Variants in NCKAP5 observed in about 807,000 individuals in gnomAD.
NCKAP5 encodes the protein nck-associated protein 5.
NCKAP5 carries 92 observed loss-of-function variants against 167.0 expected under a neutral mutation model. That is an observed-to-expected ratio of 0.55 (90% CI 0.47 to 0.66). The LOEUF is 0.66. NCKAP5 is among the 30% of genes least tolerant of loss of function. The pLI is 0.00. For synonymous variants in NCKAP5, 891 were observed against 877.4 expected (o/e 1.02, Z -0.27); for missense variants, 2,378 against 2,315.0 (o/e 1.03, Z -0.56).
rs549176788 is a variant in NCKAP5 at position 132,774,733 on chromosome 2, A to G, written c.5050-839T>C. On this transcript the variant is annotated intron_variant, in intron 15 of 19. Coordinates refer to ENST00000409261, the MANE Select transcript of NCKAP5 (RefSeq NM_207363.3). The stretch of plus-strand genomic sequence containing the variant: ...AGTAATAGCATCATCAGCAATACCA[A>G]CCACAATAGAAACAGTGAACACTTA... 4.6e-5 allele frequency among the ~76,000 whole-genome samples: 7 copies of G among 152,338 alleles called. No homozygotes were observed. In the South Asian group the frequency reaches 1.5e-3, roughly 32 times the overall value.
chr2:133,283,293 T>C (rs1323320534), intron 4 of NCKAP5, among the ~76,000 whole-genome samples: 1 of 152,196 alleles, frequency 6.6e-6, no homozygotes, highest in East Asian at 1.9e-4. Context: ...GAAATAGTTT[T>C]TTTTTAAAAG....
intron 3 of NCKAP5, among the ~76,000 whole-genome samples, chr2:133,507,730 T>C (rs1183777783): frequency 1.3e-5 from 2 of 152,118 alleles, no homozygotes; most frequent in Non-Finnish European, 2.9e-5. Flanking sequence ...GAAATATTAA[T>C]TGAAATTGGG....
At chr2:132,850,313 T>G (rs1418580769) in intron 11 of NCKAP5, among the ~76,000 whole-genome samples, 1 of 152,184 alleles carries the variant, frequency 6.6e-6, no homozygotes, top group African/African-American at 2.4e-5. Flanking sequence ...GTCTTTTAAT[T>G]GGCTGATTCA....
chr2:133,477,827 C>T (rs1680066001), intron 3 of NCKAP5, among the ~76,000 whole-genome samples: 1 of 152,142 alleles, frequency 6.6e-6, no homozygotes, highest in Non-Finnish European at 1.5e-5. Context: ...AGGGATGATG[C>T]ACATCCTGGG....
intron 5 of NCKAP5, among the ~76,000 whole-genome samples, chr2:133,184,489 C>A (rs1294320420): frequency 6.6e-6 from 1 of 151,994 alleles, no homozygotes; most frequent in Non-Finnish European, 1.5e-5. Flanking sequence ...ACCCAGTAAT[C>A]GGATTGCGGG....
chr2:133,220,108 C>T (rs964083533), intron 4 of NCKAP5, among the ~76,000 whole-genome samples: 3 of 152,316 alleles, frequency 2.0e-5, no homozygotes, highest in East Asian at 3.9e-4. Context: ...ATTAAATACA[C>T]TCACATACAC....
At chr2:133,258,880 T>C (rs1314839398) in intron 4 of NCKAP5, among the ~76,000 whole-genome samples, 1 of 152,164 alleles carries the variant, frequency 6.6e-6, no homozygotes, top group South Asian at 2.1e-4. Context: ...CTCCCAGCTT[T>C]TCTTACTTTT....
At chr2:133,141,136 G>A (rs1333206766) in intron 5 of NCKAP5, among the ~76,000 whole-genome samples, 2 of 151,874 alleles carry the variant, frequency 1.3e-5, no homozygotes, top group South Asian at 2.1e-4. Context: ...GATTTTCTCT[G>A]GTTTAGAAAC....
chr2:132,872,107 G>A (rs1309477754), intron 9 of NCKAP5, among the ~76,000 whole-genome samples: 2 of 152,238 alleles, frequency 1.3e-5, no homozygotes, highest in Non-Finnish European at 1.5e-5. Context: ...AAGGGCAGCA[G>A]CTGTGCTAGG....
intron 3 of NCKAP5, among the ~76,000 whole-genome samples, chr2:133,305,110 A>G (rs1433484602): frequency 6.6e-6 from 1 of 152,222 alleles, no homozygotes; most frequent in East Asian, 1.9e-4. Context: ...ACAGGGACTC[A>G]GGGATACTGG....
At chr2:133,637,798 G>T in the NCKAP5 span, among the ~76,000 whole-genome samples, 2 of 152,002 alleles carry the variant, frequency 1.3e-5, no homozygotes, top group Non-Finnish European at 2.9e-5. Flanking sequence ...GTTCTAGAAG[G>T]CACAATATTT....
intron 8 of NCKAP5, chr2:132,911,015 C>A (rs142597767): frequency 5.6e-6 from 1 of 180,012 alleles, no homozygotes; most frequent in African/African-American, 2.4e-5. Flanking sequence ...ACTGATATTC[C>A]GTGCCATGTT....
chr2:133,363,375 T>A (rs1559418309), intron 3 of NCKAP5, among the ~76,000 whole-genome samples: 1 of 152,278 alleles, frequency 6.6e-6, no homozygotes, highest in East Asian at 1.9e-4. Context: ...GTGGCAAAGT[T>A]AAGTAAGTAG....
chr2:132,762,383 T>C (rs1363407595), intron 16 of NCKAP5, among the ~76,000 whole-genome samples: 1 of 152,242 alleles, frequency 6.6e-6, no homozygotes, highest in African/African-American at 2.4e-5. Context: ...TACTATGCCA[T>C]AAGTTACAAA....
intron 7 of NCKAP5, among the ~76,000 whole-genome samples, chr2:132,987,656 G>T (rs1414002706): frequency 2.6e-5 from 4 of 152,078 alleles, no homozygotes; most frequent in Non-Finnish European, 5.9e-5. Flanking sequence ...AACAGCTCAG[G>T]GCTCTTTAAG....
intron 3 of NCKAP5, among the ~76,000 whole-genome samples, chr2:133,384,928 A>G (rs994343559): frequency 1.3e-5 from 2 of 152,230 alleles, no homozygotes; most frequent in Admixed American, 6.5e-5. Context: ...GTTGCCTATC[A>G]GCTTAAGGAG....
At chr2:133,531,069 C>A (rs1816384) in intron 2 of NCKAP5, among the ~76,000 whole-genome samples, 1 of 151,578 alleles carries the variant, frequency 6.6e-6, no homozygotes, top group African/African-American at 2.4e-5. Flanking sequence ...TGGGCAGCAA[C>A]AGATAATTAA....
At chr2:133,534,156 T>C (rs1685576871) in intron 2 of NCKAP5, among the ~76,000 whole-genome samples, 1 of 152,216 alleles carries the variant, frequency 6.6e-6, no homozygotes, top group African/African-American at 2.4e-5. Flanking sequence ...CATAACTACC[T>C]GTATACCTTC....
intron 3 of NCKAP5, among the ~76,000 whole-genome samples, chr2:133,510,084 C>G (rs972301050): frequency 1.3e-5 from 2 of 152,166 alleles, no homozygotes; most frequent in African/African-American, 4.8e-5. Context: ...ATTGCAAGTG[C>G]TGGGCAGACA....
Sources: gnomAD v4.1 joint callset for allele counts (sites outside exome capture counted in the v4.1 genomes callset) on GRCh38, gnomAD v4.1.1 for gene constraint, MANE v1.5 for transcripts, NCBI Gene and HGNC (gene_info 2026-07-23, HGNC 2026-07-21) for gene names.